The following CDH18 variants were observed in gnomAD, a reference collection of about 807,000 sequenced individuals.
The protein encoded by CDH18 is cadherin-18.
CDH18 carries 31 observed loss-of-function variants against 67.9 expected under a neutral mutation model. That is an observed-to-expected ratio of 0.46 (90% CI 0.34 to 0.62). The LOEUF (loss-of-function observed/expected upper bound fraction) is 0.62. Among genes scored for constraint, CDH18 ranks in the 20% least tolerant of loss-of-function variants. The probability of loss-of-function intolerance (pLI) is 0.01; values close to 1 mark genes in which losing one functional copy is unlikely to be tolerated. For missense variants in CDH18, 890 were observed against 975.5 expected (o/e 0.91, Z 1.17); for synonymous variants, 362 against 347.2 (o/e 1.04, Z -0.48).
chr5:20,520,376 A>G (rs1755671016), intron 1 of CDH18, among the ~76,000 whole-genome samples: 5 of 152,122 alleles, frequency 3.3e-5, no homozygotes. Flanking sequence ...TAGCAAAACA[A>G]TCATGCATGC....
intron 2 of CDH18, among the ~76,000 whole-genome samples, chr5:20,011,641 C>A (rs1737446952): frequency 6.6e-6 from 1 of 151,976 alleles, no homozygotes; most frequent in Admixed American, 6.6e-5. Context: ...CAGTACCTAG[C>A]TTATTGAGAG....
At chr5:19,775,482 C>G (rs966732901) in intron 3 of CDH18, among the ~76,000 whole-genome samples, 2 of 151,850 alleles carry the variant, frequency 1.3e-5, no homozygotes, top group South Asian at 4.2e-4. Context: ...ACAGTTGTTG[C>G]GGAAGGTGAG....
intron 1 of CDH18, among the ~76,000 whole-genome samples, chr5:20,478,809 C>A (rs996211170): frequency 6.6e-6 from 1 of 152,126 alleles, no homozygotes; most frequent in African/African-American, 2.4e-5. Context: ...AGATTCAATG[C>A]TATGCTGGCT....
chr5:20,362,769 A>T (rs1330769145), intron 1 of CDH18, among the ~76,000 whole-genome samples: 1 of 152,132 alleles, frequency 6.6e-6, no homozygotes, highest in Admixed American at 6.6e-5. Context: ...GAGTATTCTA[A>T]ATCTTTACCT....
chr5:20,380,401 T>C (rs907773914), intron 1 of CDH18, among the ~76,000 whole-genome samples: 14 of 152,208 alleles, frequency 9.2e-5, no homozygotes, highest in African/African-American at 2.9e-4. Flanking sequence ...AAAATACTTC[T>C]TATGGTTGTA....
chr5:19,628,888 G>C (rs796461610), intron 5 of CDH18, among the ~76,000 whole-genome samples: 16 of 151,546 alleles, frequency 1.1e-4, no homozygotes, highest in African/African-American at 3.6e-4. Flanking sequence ...TGAGAGAAAA[G>C]GTAAAAGCAA....
chr5:19,641,454 A>T (rs1753982540), intron 5 of CDH18, among the ~76,000 whole-genome samples: 1 of 152,142 alleles, frequency 6.6e-6, no homozygotes, highest in Non-Finnish European at 1.5e-5. Context: ...AAAATGCTAT[A>T]AAAAGTAATT....
chr5:20,031,481 T>C (rs961039877), intron 2 of CDH18, among the ~76,000 whole-genome samples: 9 of 151,486 alleles, frequency 5.9e-5, no homozygotes, highest in African/African-American at 1.7e-4. Flanking sequence ...CACTAGGGAG[T>C]TGGCAAACTA....
intron 2 of CDH18, among the ~76,000 whole-genome samples, chr5:20,222,114 G>A (rs1741274993): frequency 6.6e-6 from 1 of 152,092 alleles, no homozygotes; most frequent in Admixed American, 6.6e-5. Context: ...CCTCATGATA[G>A]CAGAGTCCAT....
chr5:19,723,799 C>T (rs1206491356), intron 4 of CDH18, among the ~76,000 whole-genome samples: 1 of 152,016 alleles, frequency 6.6e-6, no homozygotes, highest in African/African-American at 2.4e-5. Flanking sequence ...CTGCAACCTC[C>T]ACCTCCCGAG....
At chr5:20,368,897 C>T (rs1742740721) in intron 1 of CDH18, among the ~76,000 whole-genome samples, 1 of 152,252 alleles carries the variant, frequency 6.6e-6, no homozygotes, top group East Asian at 1.9e-4. Context: ...AGATGATGTT[C>T]TACGTTCTCC....
intron 1 of CDH18, among the ~76,000 whole-genome samples, chr5:20,353,440 T>C (rs1363484115): frequency 1.3e-5 from 2 of 152,192 alleles, no homozygotes; most frequent in African/African-American, 4.8e-5. Flanking sequence ...GAAATCAGAA[T>C]TAATAAAGAT....
chr5:19,914,467 A>G (rs1450780875), intron 2 of CDH18, among the ~76,000 whole-genome samples: 1 of 152,130 alleles, frequency 6.6e-6, no homozygotes, highest in Non-Finnish European at 1.5e-5. Context: ...CTATATACAC[A>G]CATAAGTGTG....
Position 19,563,708 on chromosome 5 carries a change from C to T in CDH18, c.1253+7871G>A, listed in dbSNP as rs543577264. Among the ~76,000 whole-genome samples the T allele has an allele frequency of 1.2e-3, 179 of 152,264 alleles. 3 individuals are homozygous for T. Among genetic ancestry groups the T allele is most frequent in the African/African-American group, 4.2e-3 (174 of 41,538 alleles). On this transcript the variant is annotated intron_variant, in intron 8 of 12. Transcript: ENST00000382275. ...AACCCTACAAAGATTGTCAACCCTG[C>T]AGGAACACTGAATTGAAGAACTTTC...
intron 5 of CDH18, among the ~76,000 whole-genome samples, chr5:19,675,874 A>C (rs2150365562): frequency 6.6e-6 from 1 of 152,064 alleles, no homozygotes; most frequent in Non-Finnish European, 1.5e-5. Context: ...TAAAAGTATT[A>C]ATTTGGGGAA....
At chr5:19,529,129 C>T (rs1748202656) in intron 9 of CDH18, among the ~76,000 whole-genome samples, 1 of 151,836 alleles carries the variant, frequency 6.6e-6, no homozygotes, top group African/African-American at 2.4e-5. Context: ...TAATCTGAGC[C>T]CCAGGACTAT....
At chr5:19,786,442 G>A (rs895195412) in intron 3 of CDH18, among the ~76,000 whole-genome samples, 2 of 152,064 alleles carry the variant, frequency 1.3e-5, no homozygotes, top group Non-Finnish European at 2.9e-5. Flanking sequence ...CTAAACTACT[G>A]AAGTGAAAAT....
At chr5:20,015,863 T>C (rs952817898) in intron 2 of CDH18, among the ~76,000 whole-genome samples, 5 of 152,092 alleles carry the variant, frequency 3.3e-5, no homozygotes, top group Admixed American at 2.6e-4. Context: ...TTGGTATAGG[T>C]AAGACTGGAT....
chr5:19,593,732 C>CTTCTTCTTCTTCTTCTTG (rs1745684875), intron 6 of CDH18, among the ~76,000 whole-genome samples: 3 of 129,136 alleles, frequency 2.3e-5, no homozygotes, highest in Admixed American at 1.6e-4. Context: ...TCTTCTTCTT[C>CTTCTTCTTCTTCTTCTTG]TTCTTCTTCT....
Sources: gnomAD v4.1 joint callset for allele counts (sites outside exome capture counted in the v4.1 genomes callset) on GRCh38, gnomAD v4.1.1 for gene constraint, MANE v1.5 for transcripts, NCBI Gene and HGNC (gene_info 2026-07-23, HGNC 2026-07-21) for gene names.